The following TMPRSS4 variants were observed in gnomAD, a reference collection of about 807,000 sequenced individuals.
The protein encoded by TMPRSS4 is transmembrane protease serine 4.
TMPRSS4 carries 45 observed loss-of-function variants against 56.4 expected under a neutral mutation model. That is an observed-to-expected ratio of 0.80 (90% confidence interval 0.63 to 1.02). The LOEUF is 1.02. Among genes scored for constraint, TMPRSS4 ranks in the 50% least tolerant of loss-of-function variants. The probability of loss-of-function intolerance (pLI) is 0.00; values close to 1 mark genes in which losing one functional copy is unlikely to be tolerated. For synonymous variants in TMPRSS4, 205 were observed against 211.0 expected (o/e 0.97, Z 0.25); for missense variants, 546 against 556.7 (o/e 0.98, Z 0.19).
chr11:118,099,481 A>AAGAAAG (rs141362371), intron 3 of TMPRSS4, among the ~76,000 whole-genome samples: 18,314 of 141,704 alleles, frequency 0.13, 1,552 homozygotes, highest in Middle Eastern at 0.17. Flanking sequence ...GAAAGAAAGA[A>AAGAAAG]AAAGAAAGAA....
chr11:118,083,799 TA>T (rs1343256656), intron 1 of TMPRSS4, among the ~76,000 whole-genome samples: 1 of 152,162 alleles, frequency 6.6e-6, no homozygotes, highest in Admixed American at 6.5e-5. Flanking sequence ...CTCACACCTG[TA>T]ATCCCGCTTT....
chr11:118,097,918 G>A (rs551589475), intron 2 of TMPRSS4, among the ~76,000 whole-genome samples: 1 of 152,282 alleles, frequency 6.6e-6, no homozygotes, highest in South Asian at 2.1e-4. Context: ...TTACAGGCAT[G>A]CACCACCATG....
rs770898837 is a variant in TMPRSS4 at position 118,104,698 on chromosome 11, C to T, written c.318C>T (p.Leu106=). ...AGGTTCCTTTCCTCCCAGTCCGCCT[C>T]TCCAAGGACCGATCCACACTGCAGG... ...FPEGPAVAVR[L]SKDRSTLQVL... is the part of the protein sequence containing the mutation. Residue 106 remains leucine (L), a synonymous_variant, in exon 5 of 13, where the codon CTC becomes CTT. Coordinates refer to ENST00000437212, the MANE Select transcript of TMPRSS4 (RefSeq NM_019894.4). 4 of 1,613,698 alleles carry T rather than the reference C, an allele frequency of 2.5e-6. No individual in the cohort carries two copies. The highest frequency in any genetic ancestry group is 3.4e-6 in the Non-Finnish European group (4 of 1,179,918).
Position 118,103,173 on chromosome 11 carries a change from G to C in TMPRSS4, c.230G>C (p.Cys77Ser). 6.2e-7 allele frequency: 1 copy of C among 1,614,234 alleles called. No homozygotes were observed. Among genetic ancestry groups the C allele is most frequent in the Non-Finnish European group, 8.5e-7 (1 of 1,180,048 alleles). ...CACTTCATCCCGAGGAAGCAGCTGTGTGACGGAGAGCTGGACTGTCCCTTG... is the reference window on the plus strand; with the variant it reads ...CACTTCATCCCGAGGAAGCAGCTGTCTGACGGAGAGCTGGACTGTCCCTTG... ...PLHFIPRKQL[C>S]DGELDCPLGE... The change falls in exon 4 of 13, where the codon TGT (cysteine) becomes TCT (serine). Residue 77 changes from cysteine to serine, a missense_variant. Physicochemically the swap from Cys to Ser is moderately radical, Grantham distance 112. Coordinates refer to ENST00000437212, the MANE Select transcript of TMPRSS4 (RefSeq NM_019894.4).
intron 2 of TMPRSS4, among the ~76,000 whole-genome samples, chr11:118,096,508 G>C (rs150265671): frequency 5.4e-4 from 82 of 152,312 alleles, no homozygotes; most frequent in African/African-American, 1.9e-3. Flanking sequence ...AAGGGGCCGG[G>C]CATGGTGGCT....
At chr11:118,117,664 A>C in intron 12 of TMPRSS4, 1 of 985,374 alleles carries the variant, frequency 1.0e-6, no homozygotes, top group South Asian at 4.7e-5. Flanking sequence ...TACCTTAGGG[A>C]ATAGAACACA....
intron 1 of TMPRSS4, among the ~76,000 whole-genome samples, chr11:118,082,412 T>C (rs1945206465): frequency 6.6e-6 from 1 of 152,012 alleles, no homozygotes. Flanking sequence ...GATATAAACA[T>C]TAGCCGAGCG....
intron 9 of TMPRSS4, among the ~76,000 whole-genome samples, chr11:118,114,559 T>C (rs1309999597): frequency 6.6e-6 from 1 of 152,204 alleles, no homozygotes; most frequent in Non-Finnish European, 1.5e-5. Context: ...TTGTCTAGTA[T>C]CTGTCCCTGG....
intron 2 of TMPRSS4, among the ~76,000 whole-genome samples, chr11:118,096,012 GAC>G (rs1349305420): frequency 1.3e-5 from 2 of 152,148 alleles, no homozygotes; most frequent in African/African-American, 4.8e-5. Flanking sequence ...TCTGGTCTTG[GAC>G]ACAGGAACCC....
intron 1 of TMPRSS4, among the ~76,000 whole-genome samples, chr11:118,080,726 A>G (rs1382657518): frequency 2.0e-5 from 3 of 152,158 alleles, no homozygotes; most frequent in African/African-American, 7.2e-5. Flanking sequence ...AAACAGACCC[A>G]AAACAGAGCT....
chr11:118,103,798 G>T (rs1946854483), intron 4 of TMPRSS4, among the ~76,000 whole-genome samples: 1 of 152,220 alleles, frequency 6.6e-6, no homozygotes, highest in Admixed American at 6.5e-5. Flanking sequence ...ACAGGAAATT[G>T]TAACTGAGGC....
intron 8 of TMPRSS4, 45 bp from the exon 9 acceptor site, chr11:118,113,224 C>A (rs199625531): frequency 5.7e-5 from 89 of 1,574,472 alleles, no homozygotes; most frequent in Admixed American, 1.0e-4. Context: ...GGCAAAGTCT[C>A]CTCAGGCTTG....
intron 11 of TMPRSS4, 81 bp downstream of exon 11, chr11:118,115,361 C>A: frequency 6.6e-7 from 1 of 1,515,210 alleles, no homozygotes; most frequent in Non-Finnish European, 8.9e-7. Flanking sequence ...AGGCTGCATG[C>A]CCTACAGGAA....
chr11:118,084,910 A>G lies in TMPRSS4; in HGVS notation c.3+7605A>G, dbSNP rs533169719. Among the ~76,000 whole-genome samples the G allele has an allele frequency of 2.0e-5, 3 of 152,306 alleles. No individual in the cohort carries two copies. The South Asian group carries it at 6.2e-4, about 32-fold the overall frequency. ...CAGTGTCCCTGCCTCAGAGTTCAGGAGGAGCAGGATCAAGGGACAACCCCC... is the reference window on the plus strand; with the variant it reads ...CAGTGTCCCTGCCTCAGAGTTCAGGGGGAGCAGGATCAAGGGACAACCCCC... On this transcript the variant is annotated intron_variant, in intron 1 of 12. Transcript: ENST00000437212.
Position 118,103,261 on chromosome 11 carries a change from C to A in TMPRSS4, c.310+8C>A, listed in dbSNP as rs1457639652. 1 of 1,611,812 alleles carries A rather than the reference C, an allele frequency of 6.2e-7. No homozygotes were observed. The highest frequency in any genetic ancestry group is 1.7e-5 in the Admixed American group (1 of 59,990). On this transcript the variant is annotated splice_region_variant and intron_variant, in intron 4 of 12. Coordinates refer to ENST00000437212, the MANE Select transcript of TMPRSS4 (RefSeq NM_019894.4). ...AAGGGCCTGCAGTGGCAGGTGAGTG[C>A]AGGGTCTGAGGCACAAGAGAAGTGG...
In TMPRSS4 at chr11:118,112,379, CTTTTTTTTTTTTTTTTTT is replaced by C. The variant is rs71469160; in HGVS notation, c.743+493_743+510del. On this transcript the variant is annotated intron_variant, in intron 8 of 12. Transcript: ENST00000437212. ...AAGGGCTACTCCCAGACCCCCTTCA[CTTTTTTTTTTTTTTTTTT>C]TTTTTTTTTTTTTGAGACAGAGTCT... 4.8e-4 allele frequency among the ~76,000 whole-genome samples: 22 copies of C among 45,728 alleles called. No individual in the cohort carries two copies. In the South Asian group the frequency reaches 5.5e-3, roughly 11 times the overall value. The allele number at this position is 45,728 out of a possible 152,430, so 30.0% of individuals were successfully genotyped here.
intron 1 of TMPRSS4, among the ~76,000 whole-genome samples, chr11:118,077,794 T>C (rs1347231211): frequency 2.0e-5 from 3 of 152,016 alleles, no homozygotes; most frequent in Non-Finnish European, 4.4e-5. Context: ...GACAGATCTC[T>C]CGAGGTCAGG....
intron 1 of TMPRSS4, among the ~76,000 whole-genome samples, chr11:118,078,292 C>T (rs1296835826): frequency 6.6e-6 from 1 of 152,076 alleles, no homozygotes; most frequent in East Asian, 1.9e-4. Flanking sequence ...TTCTCCAGTC[C>T]TTGGCCAAGA....
rs1326042179 is a variant in TMPRSS4 at position 118,119,558 on chromosome 11, G to A, written c.*1645G>A. ...TATGATAATAAGCAATATTTGCAGAGTATTTGTATGTGCCAGACACTATTG... is the reference window on the plus strand; with the variant it reads ...TATGATAATAAGCAATATTTGCAGAATATTTGTATGTGCCAGACACTATTG... On this transcript the variant is annotated 3_prime_UTR_variant, in exon 13 of 13. Transcript: ENST00000437212. The A allele has an allele frequency of 6.2e-6, 1 of 161,098 alleles. No individual in the cohort carries two copies. 10.0% of individuals were successfully genotyped at this position (161,098 alleles called of 1,614,324 possible).
Sources: gnomAD v4.1 joint callset for allele counts (sites outside exome capture counted in the v4.1 genomes callset) on GRCh38, gnomAD v4.1.1 for gene constraint, MANE v1.5 for transcripts, NCBI Gene and HGNC (gene_info 2026-07-23, HGNC 2026-07-21) for gene names.